FRAS1: variants seen among roughly 807,000 people sequenced by gnomAD.
The protein encoded by FRAS1 is extracellular matrix organizing protein FRAS1.
In FRAS1, 290 loss-of-function variants were observed where a neutral mutation model predicts 435.2. The observed-to-expected ratio is 0.67, with a 90% CI of 0.61 to 0.73. The LOEUF is 0.73. FRAS1 is among the 30% of genes least tolerant of loss of function. FRAS1 has a pLI of 0.00. For synonymous variants in FRAS1, 1,800 were observed against 1,851.0 expected (o/e 0.97, Z 0.71); for missense variants, 4,860 against 5,001.5 (o/e 0.97, Z 0.85).
chr4:78,099,780 T>C (rs2109916333), intron 2 of FRAS1, among the ~76,000 whole-genome samples: 1 of 152,222 alleles, frequency 6.6e-6, no homozygotes, highest in South Asian at 2.1e-4. Context: ...TGAGGCTCAA[T>C]TTGGGTAGGA....
At chr4:78,139,450 C>G (rs1316981559) in intron 2 of FRAS1, among the ~76,000 whole-genome samples, 1 of 152,148 alleles carries the variant, frequency 6.6e-6, no homozygotes, top group Non-Finnish European at 1.5e-5. Context: ...AAGTATAAAA[C>G]AGCAATTTGC....
At chr4:78,196,274 TG>T (rs917285479) in intron 2 of FRAS1, among the ~76,000 whole-genome samples, 1 of 152,250 alleles carries the variant, frequency 6.6e-6, no homozygotes, top group African/African-American at 2.4e-5. Context: ...CCCAAAGTGC[TG>T]GGGTTACAGG....
chr4:78,195,060 A>T (rs1185570026), intron 2 of FRAS1, among the ~76,000 whole-genome samples: 1 of 152,166 alleles, frequency 6.6e-6, no homozygotes, highest in Non-Finnish European at 1.5e-5. Context: ...TTGCCTGGGT[A>T]TCAGAAGCAG....
chr4:78,292,261 A>G (rs1192229284), intron 14 of FRAS1, among the ~76,000 whole-genome samples: 1 of 152,222 alleles, frequency 6.6e-6, no homozygotes, highest in African/African-American at 2.4e-5. Context: ...AGTATACTGT[A>G]TTCTTTATAG....
Position 78,432,603 on chromosome 4 carries a change from T to C in FRAS1, c.5216T>C (p.Val1739Ala). The stretch of plus-strand genomic sequence containing the variant: ...ATCACTAGGTCACACCTTGCTTACG[T>C]GGTAAGTTCTTCCATTTGCTGTGTT... ...AIITRSHLAY[V>A]DDSSPDPEIW... Residue 1739 changes from valine (V) to alanine (A), a missense_variant and splice_region_variant, in exon 38 of 74, where the codon GTG becomes GCG. Transcript: ENST00000512123. 1 of 1,564,178 alleles carries C rather than the reference T, an allele frequency of 6.4e-7. No homozygotes were observed. Among genetic ancestry groups the C allele is most frequent in the South Asian group, 1.2e-5 (1 of 82,088 alleles).
At chr4:78,158,685 T>C (rs1453338450) in intron 2 of FRAS1, among the ~76,000 whole-genome samples, 1 of 152,236 alleles carries the variant, frequency 6.6e-6, no homozygotes, top group Non-Finnish European at 1.5e-5. Flanking sequence ...TTCAGCTTAC[T>C]GCAATAAATA....
At chr4:78,342,339 T>G (rs1338407298) in intron 20 of FRAS1, among the ~76,000 whole-genome samples, 1 of 152,150 alleles carries the variant, frequency 6.6e-6, no homozygotes, top group African/African-American at 2.4e-5. Context: ...TCCAGTAACC[T>G]CAGTGTGTCT....
At chr4:78,369,606 C>G (rs146921074) in intron 22 of FRAS1, among the ~76,000 whole-genome samples, 49 of 149,944 alleles carry the variant, frequency 3.3e-4, no homozygotes, top group Admixed American at 1.1e-3. Context: ...TATGGGATTT[C>G]CATTATTGGG....
Position 78,508,940 on chromosome 4 carries a change from C to T in FRAS1, c.9714C>T (p.Gly3238=), listed in dbSNP as rs1256149978. Residue 3238 remains glycine, a synonymous_variant, in exon 63 of 74, where the codon GGC becomes GGT. Coordinates refer to ENST00000512123, the MANE Select transcript of FRAS1 (RefSeq NM_025074.7). Reference sequence around the variant, plus strand: ...GGGAAGTGGCTGCCCCCACTGATGGCAATGGGGCCCGGTCTCCCTTTGAAA... The same window carrying T: ...GGGAAGTGGCTGCCCCCACTGATGGTAATGGGGCCCGGTCTCCCTTTGAAA... ...FSWEVAAPTD[G]NGARSPFETI... is the part of the protein sequence containing the mutation. The T allele has an allele frequency of 3.7e-6, 6 of 1,613,864 alleles. No homozygotes were observed. In the South Asian group the frequency reaches 6.6e-5, roughly 18 times the overall value.
intron 29 of FRAS1, among the ~76,000 whole-genome samples, chr4:78,388,360 G>A (rs1434872689): frequency 6.7e-6 from 1 of 150,178 alleles, no homozygotes; most frequent in Non-Finnish European, 1.5e-5. Flanking sequence ...AAAAAACCCA[G>A]CTCATCAAAT....
chr4:78,383,954 C>G, intron 27 of FRAS1, 105 bp from the exon 28 acceptor site: 4 of 788,674 alleles, frequency 5.1e-6, no homozygotes, highest in Non-Finnish European at 8.3e-6. Context: ...CAGTTTGATC[C>G]AAATTCTTAC....
chr4:78,252,245 C>T, intron 4 of FRAS1, 147 bp from the exon 5 acceptor site: 2 of 702,302 alleles, frequency 2.8e-6, no homozygotes, highest in South Asian at 2.4e-5. Flanking sequence ...AAATTCCACT[C>T]TCAACCTTGC....
At chr4:78,248,071 C>G (rs35683023) in intron 4 of FRAS1, among the ~76,000 whole-genome samples, 46,306 of 152,004 alleles carry the variant, frequency 0.3, 7,490 homozygotes, top group East Asian at 0.42. Context: ...GAGGTGGCAG[C>G]GTCTTATACA....
chr4:78,139,129 A>G (rs1405030585), intron 2 of FRAS1, among the ~76,000 whole-genome samples: 1 of 152,146 alleles, frequency 6.6e-6, no homozygotes, highest in Non-Finnish European at 1.5e-5. Context: ...CCCCTTCTGA[A>G]ATAATATGCT....
intron 69 of FRAS1, among the ~76,000 whole-genome samples, chr4:78,524,061 C>G (rs1038731379): frequency 1.6e-4 from 25 of 152,184 alleles, no homozygotes; most frequent in Non-Finnish European, 3.7e-4. Flanking sequence ...CCCAGACTTC[C>G]CATACAGTAC....
chr4:78,535,160 CA>C (rs1217732260), intron 71 of FRAS1, among the ~76,000 whole-genome samples: 1 of 152,214 alleles, frequency 6.6e-6, no homozygotes, highest in African/African-American at 2.4e-5. Flanking sequence ...TCTTGCCTCT[CA>C]GATGACTCCT....
rs141019015 is a variant in FRAS1 at position 78,057,596 on chromosome 4, C to G, written c.-414C>G. On this transcript the variant is annotated 5_prime_UTR_variant, in exon 1 of 74. Transcript: ENST00000512123. The surrounding 1 kb of genome is among the most constrained non-coding windows in gnomAD (Gnocchi z 4.2). ...ACTTTAAAAAGCTGCTTCGGACAAACCAGAGCCAGGATTTCCACTGTCGGG... is the reference window on the plus strand; with the variant it reads ...ACTTTAAAAAGCTGCTTCGGACAAAGCAGAGCCAGGATTTCCACTGTCGGG... 1.0e-3 allele frequency: 199 copies of G among 192,616 alleles called. No homozygotes were observed. The highest frequency in any genetic ancestry group is 4.3e-3 in the African/African-American group (187 of 43,300). 11.9% of individuals were successfully genotyped at this position (192,616 alleles called of 1,614,324 possible).
chr4:78,082,614 G>A (rs1740946927), intron 2 of FRAS1, among the ~76,000 whole-genome samples: 1 of 152,048 alleles, frequency 6.6e-6, no homozygotes, highest in Non-Finnish European at 1.5e-5. Flanking sequence ...CAGGAGACAG[G>A]ATTCAGCATC....
At chr4:78,260,507 C>G (rs1301572201) in intron 6 of FRAS1, among the ~76,000 whole-genome samples, 2 of 151,560 alleles carry the variant, frequency 1.3e-5, no homozygotes, top group African/African-American at 4.8e-5. Flanking sequence ...CTCTGTTTGT[C>G]TGTTGTTGGT....
Sources: gnomAD v4.1 joint callset for allele counts (sites outside exome capture counted in the v4.1 genomes callset) on GRCh38, gnomAD v4.1.1 for gene constraint, Gnocchi (gnomAD v3.1) non-coding constraint, MANE v1.5 for transcripts, NCBI Gene and HGNC (gene_info 2026-07-23, HGNC 2026-07-21) for gene names.